The following SORCS3 variants were observed in gnomAD, a reference collection of about 807,000 sequenced individuals.
SORCS3 encodes VPS10 domain-containing receptor SorCS3.
Under a neutral mutation model 146.3 loss-of-function variants are expected in SORCS3, and 57 were observed. The ratio of observed to expected loss-of-function variants is 0.39; its 90% CI spans 0.31 to 0.49. SORCS3 has a LOEUF of 0.49. Ranked by LOEUF, SORCS3 falls within the 20% of genes least tolerant of loss-of-function variation. The probability of loss-of-function intolerance (pLI) is 0.92; values close to 1 mark genes in which losing one functional copy is unlikely to be tolerated. For synonymous variants in SORCS3, 653 were observed against 618.5 expected, an observed-to-expected ratio of 1.06 and a Z score of -0.83; for missense variants, 1,341 against 1,575.5, an observed-to-expected ratio of 0.85 and a Z score of 2.52.
chr10:104,737,820 T>C (rs1015009125), intron 1 of SORCS3, among the ~76,000 whole-genome samples: 39 of 150,376 alleles, frequency 2.6e-4, no homozygotes, highest in African/African-American at 8.1e-4. Context: ...TTGCCATTGC[T>C]TTTGGTGTTT....
intron 1 of SORCS3, among the ~76,000 whole-genome samples, chr10:104,689,076 G>A (rs1040723761): frequency 6.6e-5 from 10 of 152,128 alleles, no homozygotes; most frequent in African/African-American, 2.2e-4. Context: ...TTCTTGCCTC[G>A]GCATATGAGG....
At position 105,032,794 on chromosome 10, in the gene SORCS3, T is replaced by C. The variant is rs983882795; in HGVS notation, c.955-10261T>C. On this transcript the variant is annotated intron_variant, in intron 4 of 26. Transcript: ENST00000369701. ...AACCTGGAAAATAATTAAGGACAAATTGAACACAGTGAGGAGGCCAGGAAA... is the reference window on the plus strand; with the variant it reads ...AACCTGGAAAATAATTAAGGACAAACTGAACACAGTGAGGAGGCCAGGAAA... Among the ~76,000 whole-genome samples the C allele has an allele frequency of 3.3e-5, 5 of 152,026 alleles. No homozygotes were observed. In the East Asian group the frequency reaches 9.6e-4, roughly 29 times the overall value.
intron 20 of SORCS3, among the ~76,000 whole-genome samples, chr10:105,242,227 T>C (rs1169675594): frequency 6.9e-6 from 1 of 144,582 alleles, no homozygotes; most frequent in Admixed American, 7.2e-5. Context: ...CAATATTACT[T>C]GTTATCATTT....
intron 5 of SORCS3, among the ~76,000 whole-genome samples, chr10:105,058,053 C>A (rs972499035): frequency 3.3e-5 from 5 of 152,210 alleles, no homozygotes; most frequent in Non-Finnish European, 5.9e-5. Flanking sequence ...CATTCTCCAA[C>A]CTTTTCCCCT....
chr10:105,180,382 C>T (rs1466293815), intron 14 of SORCS3, among the ~76,000 whole-genome samples: 1 of 152,152 alleles, frequency 6.6e-6, no homozygotes, highest in African/African-American at 2.4e-5. Context: ...AAACTCAGTG[C>T]TGAAAGCAAG....
chr10:104,917,780 T>A (rs1180622422), intron 3 of SORCS3, among the ~76,000 whole-genome samples: 1 of 152,216 alleles, frequency 6.6e-6, no homozygotes, highest in African/African-American at 2.4e-5. Flanking sequence ...TAGCATAATG[T>A]CTTCAGGTTC....
intron 1 of SORCS3, among the ~76,000 whole-genome samples, chr10:104,737,284 G>T (rs10884040): frequency 0.45 from 67,594 of 151,466 alleles, 15,234 homozygotes; most frequent in South Asian, 0.53. Context: ...AGTCCTTTGG[G>T]TATATACCCA....
chr10:104,879,885 G>A lies in SORCS3; in HGVS notation c.696-35948G>A, dbSNP rs571386850. 5.3e-5 allele frequency among the ~76,000 whole-genome samples: 8 copies of A among 152,284 alleles called. No individual in the cohort carries two copies. The South Asian group carries it at 1.7e-3, about 32-fold the overall frequency. On this transcript the variant is annotated intron_variant, in intron 2 of 26. Transcript: ENST00000369701. ...GAGGCCCTGGGTAGAATCAATGGGT[G>A]GCAATAGCTAGAAGAGAGGTGATGA...
intron 2 of SORCS3, among the ~76,000 whole-genome samples, chr10:104,862,528 T>C (rs2018416059): frequency 2.0e-5 from 3 of 152,200 alleles, no homozygotes; most frequent in Admixed American, 2.0e-4. Context: ...AGAATAAAAC[T>C]TTTTTCTTCC....
intron 2 of SORCS3, among the ~76,000 whole-genome samples, chr10:104,909,639 C>CGTG (rs2018945394): frequency 6.6e-6 from 1 of 151,172 alleles, no homozygotes; most frequent in African/African-American, 2.5e-5. Context: ...AAGCCATGTG[C>CGTG]TCACCCAGAT....
intron 1 of SORCS3, among the ~76,000 whole-genome samples, chr10:104,839,334 G>T (rs2018110512): frequency 6.6e-6 from 1 of 152,110 alleles, no homozygotes; most frequent in Non-Finnish European, 1.5e-5. Flanking sequence ...AATCCTGGGA[G>T]GCCACCTGAA....
At chr10:104,808,149 A>G (rs1376417097) in intron 1 of SORCS3, among the ~76,000 whole-genome samples, 1 of 152,192 alleles carries the variant, frequency 6.6e-6, no homozygotes, top group South Asian at 2.1e-4. Context: ...AATGGTTGCC[A>G]GTTGCTTTGG....
At chr10:104,936,840 C>T (rs932615580) in intron 3 of SORCS3, among the ~76,000 whole-genome samples, 1 of 152,214 alleles carries the variant, frequency 6.6e-6, no homozygotes, top group African/African-American at 2.4e-5. Flanking sequence ...ACCAAATGAA[C>T]AGACTTGGTC....
chr10:105,016,138 T>C (rs2055164953), intron 4 of SORCS3, among the ~76,000 whole-genome samples: 1 of 107,904 alleles, frequency 9.3e-6, no homozygotes, highest in Non-Finnish European at 1.8e-5. Flanking sequence ...TATATAAATA[T>C]ATATATATAT....
At chr10:104,968,134 C>T (rs533335725) in intron 3 of SORCS3, among the ~76,000 whole-genome samples, 58 of 152,068 alleles carry the variant, frequency 3.8e-4, no homozygotes, top group South Asian at 2.9e-3. Context: ...GGGATAATTG[C>T]GACGGAGTTT....
At chr10:105,165,233 C>A (rs2056302477) in intron 12 of SORCS3, among the ~76,000 whole-genome samples, 1 of 151,966 alleles carries the variant, frequency 6.6e-6, no homozygotes, top group South Asian at 2.1e-4. Context: ...AGCTAGATAA[C>A]TATAATTCAG....
At chr10:105,127,143 C>A (rs911537208) in intron 7 of SORCS3, among the ~76,000 whole-genome samples, 4 of 152,066 alleles carry the variant, frequency 2.6e-5, no homozygotes, top group Admixed American at 2.6e-4. Flanking sequence ...TTTGGCCAGA[C>A]CCTTAATTAT....
In SORCS3 at chr10:105,136,964, G is replaced by A. The variant is rs117444854; in HGVS notation, c.1213-2433G>A. Among the ~76,000 whole-genome samples the A allele has an allele frequency of 2.0e-5, 3 of 152,290 alleles. No homozygotes were observed. In the East Asian group the frequency reaches 5.8e-4, roughly 29 times the overall value. On this transcript the variant is annotated intron_variant, in intron 7 of 26. Coordinates refer to ENST00000369701, the MANE Select transcript of SORCS3 (RefSeq NM_014978.3). ...TGAGCTTTTAAGAGAGTCTGTGATT[G>A]TGCAGGGCTCTAATAGACATGGGAG...
intron 25 of SORCS3, among the ~76,000 whole-genome samples, chr10:105,258,089 G>T (rs2056941461): frequency 6.6e-6 from 1 of 152,004 alleles, no homozygotes. Flanking sequence ...TCCTTTAGTG[G>T]CTATTTCATT....
Sources: gnomAD v4.1 joint callset for allele counts (sites outside exome capture counted in the v4.1 genomes callset) on GRCh38, gnomAD v4.1.1 for gene constraint, MANE v1.5 for transcripts, NCBI Gene and HGNC (gene_info 2026-07-23, HGNC 2026-07-21) for gene names.